Variants in LSAMP observed in about 807,000 individuals in gnomAD.
LSAMP encodes limbic system-associated membrane protein.
In LSAMP, 7 loss-of-function variants were observed where a neutral mutation model predicts 38.6. The observed-to-expected ratio is 0.18, with a 90% CI of 0.10 to 0.34. The LOEUF (loss-of-function observed/expected upper bound fraction) is 0.34. Among genes scored for constraint, LSAMP ranks in the 10% least tolerant of loss-of-function variants. The probability of loss-of-function intolerance (pLI) is 1.00; values close to 1 mark genes in which losing one functional copy is unlikely to be tolerated. For synonymous variants in LSAMP, 154 were observed against 166.8 expected, an observed-to-expected ratio of 0.92 and a Z score of 0.59; for missense variants, 313 against 420.0, an observed-to-expected ratio of 0.75 and a Z score of 2.23.
intron 3 of LSAMP, among the ~76,000 whole-genome samples, chr3:115,966,933 G>A (rs1381774196): frequency 6.6e-6 from 1 of 152,136 alleles, no homozygotes; most frequent in Non-Finnish European, 1.5e-5. Context: ...GCATCCTGAA[G>A]GAAGGGGAAG....
chr3:116,370,226 TAAAAC>T (rs1486819927), intron 1 of LSAMP: 2 of 152,152 alleles, frequency 1.3e-5, no homozygotes, highest in Non-Finnish European at 2.9e-5. Flanking sequence ...TGAGGGAACA[TAAAAC>T]AGAAGACATC....
At chr3:116,229,572 T>A (rs945622799) in intron 1 of LSAMP, among the ~76,000 whole-genome samples, 3 of 152,134 alleles carry the variant, frequency 2.0e-5, no homozygotes, top group African/African-American at 7.2e-5. Flanking sequence ...TACTTTTACA[T>A]GAAATCACTA....
chr3:115,985,476 C>A (rs1299605009), intron 3 of LSAMP, among the ~76,000 whole-genome samples: 1 of 152,186 alleles, frequency 6.6e-6, no homozygotes, highest in African/African-American at 2.4e-5. Flanking sequence ...TATTGGCTGC[C>A]TGTGGAAAAC....
At chr3:116,305,143 C>T (rs2100807) in intron 1 of LSAMP, among the ~76,000 whole-genome samples, 109,290 of 151,990 alleles carry the variant, frequency 0.72, 41,746 homozygotes, top group East Asian at 0.91. Context: ...CAGAGAAATA[C>T]AAATGGGGAT....
At chr3:115,959,055 C>T (rs1938544427) in intron 3 of LSAMP, among the ~76,000 whole-genome samples, 1 of 152,126 alleles carries the variant, frequency 6.6e-6, no homozygotes, top group Admixed American at 6.5e-5. Context: ...ATAGTTAGGA[C>T]ACAAATTATA....
chr3:116,339,140 G>A (rs1042372171), intron 1 of LSAMP, among the ~76,000 whole-genome samples: 1 of 151,948 alleles, frequency 6.6e-6, no homozygotes. Flanking sequence ...CAGAGGCCAG[G>A]GAATTTACCA....
chr3:116,439,142 G>T (rs1318251552), intron 1 of LSAMP, among the ~76,000 whole-genome samples: 1 of 152,086 alleles, frequency 6.6e-6, no homozygotes, highest in Admixed American at 6.6e-5. Context: ...GAGAAGAGAG[G>T]ATATGTGGCA....
At chr3:115,837,787 A>C (rs1414154387) in intron 6 of LSAMP, 4 of 152,224 alleles carry the variant, frequency 2.6e-5, no homozygotes, top group African/African-American at 9.7e-5. Context: ...AGACTACCTG[A>C]ATTTAAATCT....
intron 3 of LSAMP, among the ~76,000 whole-genome samples, chr3:115,900,657 G>A (rs185958800): frequency 3.2e-4 from 49 of 152,254 alleles, no homozygotes; most frequent in African/African-American, 1.1e-3. Flanking sequence ...AAGGGTACAT[G>A]AGCAGGCATA....
At chr3:116,170,654 G>T (rs1332416577) in intron 1 of LSAMP, among the ~76,000 whole-genome samples, 1 of 152,078 alleles carries the variant, frequency 6.6e-6, no homozygotes, top group East Asian at 1.9e-4. Flanking sequence ...ACGATTTTAG[G>T]TTGGAAGGTT....
chr3:116,007,520 A>C (rs1041997180), intron 3 of LSAMP, among the ~76,000 whole-genome samples: 7 of 152,180 alleles, frequency 4.6e-5, no homozygotes, highest in African/African-American at 1.7e-4. Context: ...GATATGTTAG[A>C]CTCAAACATC....
At chr3:116,410,913 C>T (rs2048966208) in intron 1 of LSAMP, among the ~76,000 whole-genome samples, 1 of 152,094 alleles carries the variant, frequency 6.6e-6, no homozygotes, top group African/African-American at 2.4e-5. Context: ...TCTCCTATAG[C>T]AGCTCTATTT....
intron 2 of LSAMP, among the ~76,000 whole-genome samples, chr3:116,029,518 C>G (rs1940870457): frequency 1.3e-5 from 2 of 151,938 alleles, no homozygotes; most frequent in Admixed American, 6.6e-5. Flanking sequence ...CCAAATAACT[C>G]AAGGTAAGAG....
chr3:115,932,719 C>T (rs1321233223), intron 3 of LSAMP, among the ~76,000 whole-genome samples: 2 of 151,884 alleles, frequency 1.3e-5, no homozygotes, highest in Non-Finnish European at 2.9e-5. Context: ...TTTTACTAGT[C>T]TTTTCCAACA....
chr3:115,964,838 G>A (rs1056825171), intron 3 of LSAMP, among the ~76,000 whole-genome samples: 1 of 152,060 alleles, frequency 6.6e-6, no homozygotes, highest in African/African-American at 2.4e-5. Context: ...AAAACTATAT[G>A]CTGAATCTTT....
intron 1 of LSAMP, among the ~76,000 whole-genome samples, chr3:116,437,008 T>C (rs1230012490): frequency 2.0e-5 from 3 of 148,320 alleles, no homozygotes; most frequent in Admixed American, 6.8e-5. Context: ...TATATATATG[T>C]GTATATATAT....
At chr3:116,239,761 A>T (rs1004117791) in intron 1 of LSAMP, among the ~76,000 whole-genome samples, 2 of 152,216 alleles carry the variant, frequency 1.3e-5, no homozygotes, top group African/African-American at 2.4e-5. Context: ...GAGTGAAATA[A>T]GAATTAGATT....
At chr3:115,974,117 G>T (rs1281295170) in intron 3 of LSAMP, among the ~76,000 whole-genome samples, 3 of 152,064 alleles carry the variant, frequency 2.0e-5, no homozygotes, top group Non-Finnish European at 2.9e-5. Flanking sequence ...GGCTGAGGCT[G>T]GCAGATTACT....
At chr3:116,158,039 A>G (rs1178881925) in intron 1 of LSAMP, among the ~76,000 whole-genome samples, 1 of 152,156 alleles carries the variant, frequency 6.6e-6, no homozygotes, top group African/African-American at 2.4e-5. Context: ...TGGGAGGCAA[A>G]GTTGGTTCAA....
Sources: gnomAD v4.1 joint callset for allele counts (sites outside exome capture counted in the v4.1 genomes callset) on GRCh38, gnomAD v4.1.1 for gene constraint, MANE v1.5 for transcripts, NCBI Gene and HGNC (gene_info 2026-07-23, HGNC 2026-07-21) for gene names.